The following LOXL3 variants were observed in gnomAD, a reference collection of about 807,000 sequenced individuals.
LOXL3 encodes the protein lysyl oxidase like 3, also known as lysyl oxidase homolog 3.
A neutral mutation model predicts 91.8 loss-of-function variants in LOXL3; 60 were observed. That is an observed-to-expected ratio of 0.65 (90% CI 0.53 to 0.81). The LOEUF is 0.81. Ranked by LOEUF, LOXL3 falls within the 30% of genes least tolerant of loss-of-function variation. The pLI, the probability that LOXL3 is intolerant of heterozygous loss-of-function variation, is 0.00. For missense variants in LOXL3, 874 were observed against 1,000.4 expected (o/e 0.87, Z 1.70); for synonymous variants, 355 against 387.6 (o/e 0.92, Z 0.99).
chr2:74,535,532 G>A lies in LOXL3; in HGVS notation c.1416+56C>T, dbSNP rs1471467436. Reference sequence around the variant, plus strand: ...CAAGGGACTCATTCCTCAGCCCTCTGCCCAAAACACAGGCTTTGAGACAAC... The same window carrying A: ...CAAGGGACTCATTCCTCAGCCCTCTACCCAAAACACAGGCTTTGAGACAAC... On this transcript the variant is annotated intron_variant, in intron 8 of 13. Transcript: ENST00000264094. The surrounding 1 kb of genome is among the most constrained non-coding windows in gnomAD (Gnocchi z 4.2). The A allele has an allele frequency of 2.5e-6, 4 of 1,611,280 alleles. No individual in the cohort carries two copies. The African/African-American group carries it at 5.3e-5, about 22-fold the overall frequency.
upstream of LOXL3, chr2:74,555,206 C>G (rs147810432): frequency 1.2e-6 from 2 of 1,613,548 alleles, no homozygotes; most frequent in East Asian, 2.2e-5. The surrounding 1 kb of genome is among the most constrained non-coding windows in gnomAD (Gnocchi z 6.1). Flanking sequence ...CACGGCGTAG[C>G]GCGGCTCGAG....
chr2:74,547,454 T>C (rs1676663566), intron 4 of LOXL3, among the ~76,000 whole-genome samples: 1 of 152,114 alleles, frequency 6.6e-6, no homozygotes, highest in South Asian at 2.1e-4. Context: ...GGGTTTAAAT[T>C]AGGGAAGGTA....
chr2:74,546,542 C>A (rs944983774), intron 4 of LOXL3, among the ~76,000 whole-genome samples: 4 of 152,122 alleles, frequency 2.6e-5, no homozygotes, highest in African/African-American at 9.7e-5. Context: ...CATACACACA[C>A]AGGCACACAC....
chr2:74,548,368 GTTT>G (rs996266252), intron 4 of LOXL3, among the ~76,000 whole-genome samples: 1 of 152,224 alleles, frequency 6.6e-6, no homozygotes, highest in African/African-American at 2.4e-5. Flanking sequence ...ACCTGAACTG[GTTT>G]TAAGTGATGA....
chr2:74,551,841 C>T (rs11893288), intron 2 of LOXL3, among the ~76,000 whole-genome samples: 44 of 152,380 alleles, frequency 2.9e-4, no homozygotes, highest in Middle Eastern at 3.4e-3. Flanking sequence ...TCATACTTGT[C>T]CTAGATTTTA....
At chr2:74,537,447 G>C (rs1676094174) in intron 4 of LOXL3, among the ~76,000 whole-genome samples, 1 of 152,242 alleles carries the variant, frequency 6.6e-6, no homozygotes, top group African/African-American at 2.4e-5. Context: ...GCAGAGGCCA[G>C]AGACTCTGCA....
chr2:74,532,962 G>A lies in LOXL3; in HGVS notation c.*644C>T, dbSNP rs368381986. On this transcript the variant is annotated 3_prime_UTR_variant, in exon 14 of 14. Transcript: ENST00000264094. ...GGGACGAGAAACACTGACCTTATAT[G>A]TGACCCCTGAGGTCACAGAATGAAT... The A allele has an allele frequency of 5.6e-6, 9 of 1,613,826 alleles. No homozygotes were observed. The highest frequency in any genetic ancestry group is 7.6e-6 in the Non-Finnish European group (9 of 1,179,964).
Position 74,533,319 on chromosome 2 carries a change from A to G in LOXL3, c.*287T>C, listed in dbSNP as rs1675762643. 5.7e-6 allele frequency: 3 copies of G among 530,676 alleles called. No individual in the cohort carries two copies. Among genetic ancestry groups the G allele is most frequent in the South Asian group, 2.3e-5 (1 of 44,244 alleles). 32.9% of individuals were successfully genotyped at this position (530,676 alleles called of 1,614,324 possible). ...CTATTAAAGAAAATGAGCTGCTGCCATCTTTTGTGGGCAGTTAGTCAGGTG... is the reference window on the plus strand; with the variant it reads ...CTATTAAAGAAAATGAGCTGCTGCCGTCTTTTGTGGGCAGTTAGTCAGGTG... On this transcript the variant is annotated 3_prime_UTR_variant, in exon 14 of 14. Transcript: ENST00000264094.
At chr2:74,554,558 G>C (rs1329610350), upstream of LOXL3, 8 of 602,958 alleles carry the variant, frequency 1.3e-5, no homozygotes, top group East Asian at 2.3e-4. This position sits in a 1 kb window ranked among gnomAD's most constrained non-coding sequence, Gnocchi z 4.9. Flanking sequence ...GTAGGGGCCT[G>C]GGGTGCTGCA....
At position 74,533,675 on chromosome 2, in the gene LOXL3, A is replaced by C. The variant is rs1675796355; in HGVS notation, c.2193T>G (p.Asp731Glu). 1 of 1,614,024 alleles carries C rather than the reference A, an allele frequency of 6.2e-7. No individual in the cohort carries two copies. The highest frequency in any genetic ancestry group is 1.3e-5 in the African/African-American group (1 of 75,004). Residue 731 changes from aspartate to glutamate, a missense_variant, in exon 14 of 14, where the codon GAT (aspartate) becomes GAG (glutamate). Physicochemically the swap from Asp to Glu is conservative, Grantham distance 45. Transcript: ENST00000264094. ...TCCTGTTGGCCTCTTCACTGAAGGC[A>C]TCACCTGCAGAGTGGACAGGCAATT... ...RIWVHNCHIG[D>E]AFSEEANRRF...
chr2:74,555,044 T>C, upstream of LOXL3: 2 of 1,443,178 alleles, frequency 1.4e-6, no homozygotes, highest in Non-Finnish European at 1.9e-6. The surrounding 1 kb of genome is among the most constrained non-coding windows in gnomAD (Gnocchi z 6.1). Flanking sequence ...CCCAACCCCG[T>C]TTGGAAGCCC....
chr2:74,545,185 G>A (rs2104425312), intron 4 of LOXL3, among the ~76,000 whole-genome samples: 1 of 152,192 alleles, frequency 6.6e-6, no homozygotes, highest in South Asian at 2.1e-4. Context: ...ATCATTTTAG[G>A]TGTCTGTTCT....
Position 74,536,597 on chromosome 2 carries a change from C to G in LOXL3, c.912+112G>C, listed in dbSNP as rs1333738190. 3 of 1,452,496 alleles carry G rather than the reference C, an allele frequency of 2.1e-6. No individual in the cohort carries two copies. The highest frequency in any genetic ancestry group is 2.8e-6 in the Non-Finnish European group (3 of 1,056,896). The allele number at this position is 1,452,496 out of a possible 1,614,324, so 90.0% of individuals were successfully genotyped here. ...GTGGTATCAGGTCTGTGGCCCACCC[C>G]CTGGAAGGCTCCTCTCTGTCCTCAA... On this transcript the variant is annotated intron_variant, in intron 5 of 13. Coordinates refer to ENST00000264094, the MANE Select transcript of LOXL3 (RefSeq NM_032603.5). This position sits in a 1 kb window ranked among gnomAD's most constrained non-coding sequence, Gnocchi z 4.5.
At chr2:74,534,850 T>G (rs1037562732) in intron 9 of LOXL3, 76 bp from the exon 10 acceptor site, 1 of 1,470,154 alleles carries the variant, frequency 6.8e-7, no homozygotes, top group Non-Finnish European at 9.2e-7. Context: ...CCCTCCCTAG[T>G]GTGTAAGACT....
chr2:74,534,466 G>A (rs1558617098), intron 10 of LOXL3, 35 bp from the exon 11 acceptor site: 2 of 1,613,650 alleles, frequency 1.2e-6, no homozygotes, highest in Admixed American at 1.7e-5. Context: ...TTCCTTCTCT[G>A]CCCCCAGAAG....
In LOXL3 at chr2:74,536,359, C is replaced by T; in HGVS notation, c.1025G>A (p.Ser342Asn). 1 of 1,614,144 alleles carries T rather than the reference C, an allele frequency of 6.2e-7. No homozygotes were observed. The highest frequency in any genetic ancestry group is 8.5e-7 in the Non-Finnish European group (1 of 1,180,028). Residue 342 changes from serine to asparagine, a missense_variant, in exon 6 of 14, where the codon AGC (serine) becomes AAC (asparagine). Transcript: ENST00000264094. The surrounding 1 kb of genome is among the most constrained non-coding windows in gnomAD (Gnocchi z 4.5). ...GAAGCCCAGCTCCCGACACACCACG[C>T]TGGCTGCATGCAGGTCCCACTTGCG... ...CDRKWDLHAA[S>N]VVCRELGFGS...
chr2:74,535,663 C>A lies in LOXL3; in HGVS notation c.1341G>T (p.Gly447=). ...PGPLRWGLIC[G]DDWGTLEAMV... is the part of the protein sequence containing the mutation. ...TGGCCTCCAGGGTCCCCCAGTCATC[C>A]CCACAGATGAGGCCCCAGCGAAGGG... The change falls in exon 8 of 14, where the codon GGG becomes GGT. Residue 447 remains glycine, a synonymous_variant. Transcript: ENST00000264094. This position sits in a 1 kb window ranked among gnomAD's most constrained non-coding sequence, Gnocchi z 4.2. The A allele has an allele frequency of 6.2e-7, 1 of 1,613,216 alleles. No individual in the cohort carries two copies. Among genetic ancestry groups the A allele is most frequent in the Non-Finnish European group, 8.5e-7 (1 of 1,179,776 alleles).
At chr2:74,537,546 G>T (rs924036953) in intron 4 of LOXL3, among the ~76,000 whole-genome samples, 1 of 152,212 alleles carries the variant, frequency 6.6e-6, no homozygotes, top group African/African-American at 2.4e-5. Flanking sequence ...GAATGAAGAT[G>T]TATAAATGCA....
Position 74,535,238 on chromosome 2 carries a change from C to T in LOXL3, c.1579+54G>A, listed in dbSNP as rs973089392. 40 of 1,556,624 alleles carry T rather than the reference C, an allele frequency of 2.6e-5. No homozygotes were observed. The African/African-American group carries it at 3.8e-4, about 15-fold the overall frequency. On this transcript the variant is annotated intron_variant, in intron 9 of 13. Transcript: ENST00000264094. This position sits in a 1 kb window ranked among gnomAD's most constrained non-coding sequence, Gnocchi z 4.2. ...GATTACAGCCCCCTTTCCCTGCAAA[C>T]GGGTGGCCCAGACACTCCCTTCCCT...
Sources: allele counts gnomAD v4.1 joint callset (sites outside exome capture counted in the v4.1 genomes callset), GRCh38; gene constraint gnomAD v4.1.1; non-coding constraint Gnocchi (gnomAD v3.1); transcripts MANE v1.5; gene names NCBI Gene and HGNC (gene_info 2026-07-23, HGNC 2026-07-21).